The following SYNE1 variants were observed in gnomAD, a reference collection of about 807,000 sequenced individuals.
SYNE1 encodes nesprin-1.
In SYNE1, 616 loss-of-function variants were observed where a neutral mutation model predicts 1,111.0. That is an observed-to-expected ratio of 0.55 (90% confidence interval 0.52 to 0.59). The LOEUF (loss-of-function observed/expected upper bound fraction) is 0.59, where lower values mean the gene tolerates loss of function less well. Among genes scored for constraint, SYNE1 ranks in the 20% least tolerant of loss-of-function variants. The pLI is 0.00. For synonymous variants in SYNE1, 3,855 were observed against 3,825.8 expected (o/e 1.01, Z -0.28); for missense variants, 10,006 against 10,417.0 (o/e 0.96, Z 1.72).
chr6:152,330,413 A>C lies in SYNE1; in HGVS notation c.14272T>G (p.Leu4758Val). The C allele has an allele frequency of 6.2e-7, 1 of 1,614,102 alleles. No individual in the cohort carries two copies. The highest frequency in any genetic ancestry group is 8.5e-7 in the Non-Finnish European group (1 of 1,180,016). Residue 4758 changes from leucine (L) to valine (V), a missense_variant, in exon 78 of 146, where the codon TTA becomes GTA. Coordinates refer to ENST00000367255, the MANE Select transcript of SYNE1 (RefSeq NM_182961.4). ...GTTTGTCGCTTCAGCCTGTGATATA[A>C]GGTGACAAGGTGCAGCATCTTGTCT... ...QPDKMLHLVT[L>V]YHRLKRQTEQ...
intron 80 of SYNE1, 101 bp from the exon 81 acceptor site, chr6:152,325,403 A>G: frequency 3.5e-6 from 4 of 1,139,686 alleles, no homozygotes; most frequent in Non-Finnish European, 5.3e-6. Context: ...ATTCCTGCAA[A>G]AGGAAATGTT....
At chr6:152,365,166 A>T in intron 62 of SYNE1, 147 bp from the exon 63 acceptor site, 1 of 1,000,658 alleles carries the variant, frequency 1.0e-6, no homozygotes, top group Admixed American at 2.2e-5. Context: ...AGGGTGGGGA[A>T]GTGGCTTGCT....
chr6:152,466,919 C>T (rs1012302962), intron 16 of SYNE1, among the ~76,000 whole-genome samples: 13 of 151,988 alleles, frequency 8.6e-5, no homozygotes, highest in African/African-American at 2.9e-4. Context: ...ATAAATGTCA[C>T]GGTCATAAAT....
At position 152,309,986 on chromosome 6, in the gene SYNE1, G is replaced by C. The variant is rs754313756; in HGVS notation, c.17051C>G (p.Pro5684Arg). The change falls in exon 90 of 146, where the codon CCG becomes CGG. Residue 5684 changes from proline to arginine, a missense_variant. Around this residue, in one of 7 missense-constraint regions of SYNE1, gnomAD observed 4,955 missense variants for 5,017.2 expected, o/e 0.99. Transcript: ENST00000367255. ...HLLSEMESLKPKVQAVQLCQS... is the reference protein window; with the variant it reads ...HLLSEMESLKRKVQAVQLCQS... The stretch of plus-strand genomic sequence containing the variant: ...GCAGAGCTGCACTGCTTGCACCTTC[G>C]GCTTCAGTGACTCCATCTCAGACAA... The C allele has an allele frequency of 2.5e-6, 4 of 1,613,856 alleles. No homozygotes were observed. The highest frequency in any genetic ancestry group is 3.4e-6 in the Non-Finnish European group (4 of 1,180,034).
intron 128 of SYNE1, among the ~76,000 whole-genome samples, chr6:152,181,066 G>T (rs541312940): frequency 3.5e-4 from 38 of 107,634 alleles, no homozygotes; most frequent in African/African-American, 1.4e-3. Context: ...TCAATTTTAG[G>T]ATATTTTTAT....
At chr6:152,287,279 T>C (rs2094387500) in intron 95 of SYNE1, among the ~76,000 whole-genome samples, 3 of 151,530 alleles carry the variant, frequency 2.0e-5, no homozygotes, top group African/African-American at 7.3e-5. Context: ...TCTTCTTTTT[T>C]TCACCCATTG....
chr6:152,447,365 T>A, intron 29 of SYNE1, 93 bp downstream of exon 29: 1 of 1,400,308 alleles, frequency 7.1e-7, no homozygotes, highest in Non-Finnish European at 9.8e-7. Context: ...GGTTTCTTTA[T>A]AAAATTACTT....
intron 4 of SYNE1, among the ~76,000 whole-genome samples, chr6:152,539,168 C>T (rs1466432836): frequency 6.6e-6 from 1 of 151,532 alleles, no homozygotes; most frequent in Non-Finnish European, 1.5e-5. Context: ...ATTCATTTAA[C>T]CAATTATTGA....
rs1275251937 is a variant in SYNE1 at position 152,449,718 on chromosome 6, C to A, written c.3396-77G>T. On this transcript the variant is annotated intron_variant, in intron 27 of 145. Coordinates refer to ENST00000367255, the MANE Select transcript of SYNE1 (RefSeq NM_182961.4). ...CAGAATATGTTTTCTATTTTGAATT[C>A]ACTCATGGAAATTTAACAATTAAGT... is the stretch of plus-strand genomic sequence containing the variant. The A allele has an allele frequency of 7.0e-6, 8 of 1,144,916 alleles. No individual in the cohort carries two copies. In the East Asian group the frequency reaches 1.2e-4, roughly 17 times the overall value. 70.9% of individuals were successfully genotyped at this position (1,144,916 alleles called of 1,614,324 possible).
At chr6:152,560,964 A>G (rs1213889880) in intron 3 of SYNE1, among the ~76,000 whole-genome samples, 1 of 152,188 alleles carries the variant, frequency 6.6e-6, no homozygotes, top group Admixed American at 6.5e-5. Context: ...TAGTATAGTG[A>G]ATGGTAAAAT....
At chr6:152,523,596 T>C (rs2099150646) in intron 5 of SYNE1, among the ~76,000 whole-genome samples, 1 of 152,102 alleles carries the variant, frequency 6.6e-6, no homozygotes, top group African/African-American at 2.4e-5. Context: ...AAAAATTATG[T>C]TGGTATTTTG....
At chr6:152,222,589 T>C (rs2080440637) in intron 117 of SYNE1, among the ~76,000 whole-genome samples, 1 of 152,248 alleles carries the variant, frequency 6.6e-6, no homozygotes, top group Non-Finnish European at 1.5e-5. Flanking sequence ...CTATATGATG[T>C]TTTGATATAT....
At chr6:152,629,248 G>C (rs1318439208) in intron 2 of SYNE1, among the ~76,000 whole-genome samples, 3 of 151,956 alleles carry the variant, frequency 2.0e-5, no homozygotes, top group African/African-American at 7.3e-5. Context: ...GTCTCACTCT[G>C]TCATCCAGGC....
At chr6:152,627,545 C>A (rs927620191) in intron 3 of SYNE1, among the ~76,000 whole-genome samples, 15 of 151,442 alleles carry the variant, frequency 9.9e-5, no homozygotes, top group Admixed American at 7.9e-4. Flanking sequence ...GTAATCCCAG[C>A]TACTTGTGAG....
At chr6:152,223,312 C>T (rs1016625235) in intron 117 of SYNE1, among the ~76,000 whole-genome samples, 4 of 152,026 alleles carry the variant, frequency 2.6e-5, no homozygotes, top group Admixed American at 6.6e-5. Context: ...CCACCCTACC[C>T]TAAAAAAAAT....
rs568162422 is a variant in SYNE1, at chr6:152,211,653, A to G, written c.22495-65T>C. ...TAATTTTAGTGATCGGTTCTCTGAT[A>G]ACTTTCCAAATATTCTAGTTTTCGC... On this transcript the variant is annotated intron_variant, in intron 123 of 145. Transcript: ENST00000367255. 20 of 1,394,478 alleles carry G rather than the reference A, an allele frequency of 1.4e-5. No homozygotes were observed. In the East Asian group the frequency reaches 4.4e-4, roughly 31 times the overall value. 86.4% of individuals were successfully genotyped at this position (1,394,478 alleles called of 1,614,324 possible).
At position 152,219,170 on chromosome 6, in the gene SYNE1, G is replaced by C; in HGVS notation, c.21877C>G (p.Leu7293Val). ...IQDCNDLLKG[L>V]GTVKDSLFFL... is the part of the protein sequence containing the mutation. Reference sequence around the variant, plus strand: ...AAGAGGGAATCTTTAACTGTGCCCAGTCCTTTGAGGAGGTCCTAGAAGAGG... The same window carrying C: ...AAGAGGGAATCTTTAACTGTGCCCACTCCTTTGAGGAGGTCCTAGAAGAGG... The change falls in exon 120 of 146, where the codon CTG becomes GTG. Residue 7293 changes from leucine to valine, a missense_variant. By Grantham distance (32) the Leu-to-Val change is conservative (BLOSUM62 1). Coordinates refer to ENST00000367255, the MANE Select transcript of SYNE1 (RefSeq NM_182961.4). 1 of 1,613,944 alleles carries C rather than the reference G, an allele frequency of 6.2e-7. No homozygotes were observed.
In SYNE1 at chr6:152,208,176, G is replaced by A. The variant is rs1457690823; in HGVS notation, c.22620C>T (p.Leu7540=). 1 of 1,613,922 alleles carries A rather than the reference G, an allele frequency of 6.2e-7. No homozygotes were observed. The highest frequency in any genetic ancestry group is 1.3e-5 in the African/African-American group (1 of 74,882). Residue 7540 remains leucine (L), a synonymous_variant, in exon 125 of 146, where the codon CTC becomes CTT. Transcript: ENST00000367255. ...RDEFNLKLTL[L]SNQWQGVIRR... ...GAATCACTCCCTGCCATTGATTACT[G>A]AGGAGTGTCAATTTCAGGTTGAATT...
At chr6:152,225,631 T>G (rs2081399315) in intron 116 of SYNE1, 90 bp downstream of exon 116, 1 of 1,474,606 alleles carries the variant, frequency 6.8e-7, no homozygotes, top group African/African-American at 1.4e-5. Context: ...TTTGATTATT[T>G]CCTCTGCTAC....
Sources: gnomAD v4.1 joint callset for allele counts (sites outside exome capture counted in the v4.1 genomes callset) on GRCh38, gnomAD v4.1.1 for gene constraint, gnomAD v4.1.1 regional missense constraint, MANE v1.5 for transcripts, NCBI Gene and HGNC (gene_info 2026-07-23, HGNC 2026-07-21) for gene names.